Variants in ZKSCAN4 observed in about 807,000 individuals in gnomAD.
The protein encoded by ZKSCAN4 is zinc finger with KRAB and SCAN domains 4, also known as zinc finger protein with KRAB and SCAN domains 4.
In ZKSCAN4, 23 loss-of-function variants were observed where a neutral mutation model predicts 30.8. The ratio of observed to expected loss-of-function variants is 0.75; its 90% CI spans 0.54 to 1.06. The LOEUF (loss-of-function observed/expected upper bound fraction) is 1.06, where lower values mean the gene tolerates loss of function less well. ZKSCAN4 is among the 50% of genes least tolerant of loss of function. ZKSCAN4 has a pLI of 0.00. For missense variants in ZKSCAN4, 556 were observed against 665.4 expected, an observed-to-expected ratio of 0.84 and a Z score of 1.81; for synonymous variants, 208 against 252.5, an observed-to-expected ratio of 0.82 and a Z score of 1.67.
rs910996826 is a variant in ZKSCAN4 at position 28,242,092 on chromosome 6, C to T, written c.*3024G>A. On this transcript the variant is annotated 3_prime_UTR_variant, in exon 5 of 5. Transcript: ENST00000377294. ...GAAAAAAGAAAATAGAAGATTTCTG[C>T]GCTGCTTCAGTTACAGAAATGAAAT... Among the ~76,000 whole-genome samples the T allele has an allele frequency of 6.6e-5, 10 of 152,238 alleles. No homozygotes were observed. Among genetic ancestry groups the T allele is most frequent in the African/African-American group, 2.4e-4 (10 of 41,546 alleles).
At position 28,247,072 on chromosome 6, in the gene ZKSCAN4, A is replaced by G. The variant is rs1008199574; in HGVS notation, c.675T>C (p.Asp225=). The change falls in exon 4 of 5, where the codon GAT becomes GAC. Residue 225 remains aspartate (D), a synonymous_variant. Coordinates refer to ENST00000377294, the MANE Select transcript of ZKSCAN4 (RefSeq NM_019110.5). ...ACCCAGGAGTGAGGGTCAGGGCCAC[A>G]TCTTCCATTTTCAGCAAACCCTAAA... ...PGSQGLLKME[D]VALTLTPGWT... 1 of 1,610,244 alleles carries G rather than the reference A, an allele frequency of 6.2e-7. No homozygotes were observed. Among genetic ancestry groups the G allele is most frequent in the Non-Finnish European group, 8.5e-7 (1 of 1,178,388 alleles).
intron 4 of ZKSCAN4, 84 bp downstream of exon 4, chr6:28,246,885 C>CTG (rs1760759361): frequency 7.0e-7 from 1 of 1,435,052 alleles, no homozygotes; most frequent in Non-Finnish European, 9.3e-7. Context: ...ATAATGGGGG[C>CTG]TTAACAGCTT....
chr6:28,245,943 G>A lies in ZKSCAN4; in HGVS notation c.811C>T (p.Pro271Ser), dbSNP rs757564099. 1 of 1,614,176 alleles carries A rather than the reference G, an allele frequency of 6.2e-7. No individual in the cohort carries two copies. The highest frequency in any genetic ancestry group is 8.5e-7 in the Non-Finnish European group (1 of 1,180,032). The change falls in exon 5 of 5, where the codon CCT becomes TCT. Residue 271 changes from proline (P) to serine (S), a missense_variant. Physicochemically the swap from Pro to Ser is moderately conservative, Grantham distance 74. Around this residue, in one of 3 missense-constraint regions of ZKSCAN4, gnomAD observed 433 missense variants for 511.5 expected, o/e 0.85. Transcript: ENST00000377294. ...GEIQTKSRDL[P>S]PVKKLPEKEH... Reference sequence around the variant, plus strand: ...TTTTCTGGAAGCTTCTTGACTGGAGGCAAGTCCCTGCTCTTAGTCTGTATT... The same window carrying A: ...TTTTCTGGAAGCTTCTTGACTGGAGACAAGTCCCTGCTCTTAGTCTGTATT...
At position 28,244,682 on chromosome 6, in the gene ZKSCAN4, T is replaced by C; in HGVS notation, c.*434A>G. On this transcript the variant is annotated 3_prime_UTR_variant, in exon 5 of 5. Transcript: ENST00000377294. ...TTTAATAAATGTTTATTAGCACCTA[T>C]CATACAAGGCACAAAGAAGAGTAAA... The C allele has an allele frequency of 4.9e-6, 1 of 205,740 alleles. No individual in the cohort carries two copies. Among genetic ancestry groups the C allele is most frequent in the Non-Finnish European group, 1.0e-5 (1 of 98,804 alleles). The allele number at this position is 205,740 out of a possible 1,614,324, so 12.7% of individuals were successfully genotyped here.
upstream of ZKSCAN4, among the ~76,000 whole-genome samples, chr6:28,255,791 GCTTA>G (rs1404364110): frequency 6.6e-6 from 1 of 151,888 alleles, no homozygotes; most frequent in African/African-American, 2.4e-5. Flanking sequence ...TCCTGGTTGG[GCTTA>G]CTTTTTTGGG....
At chr6:28,252,543 T>C (rs1011423522), upstream of ZKSCAN4, among the ~76,000 whole-genome samples, 1 of 151,912 alleles carries the variant, frequency 6.6e-6, no homozygotes, top group Non-Finnish European at 1.5e-5. Flanking sequence ...GACACTAAAA[T>C]TGAGCTGGAA....
rs1198101924 is a variant in ZKSCAN4 at position 28,246,390 on chromosome 6, AC to A, written c.779-416del. ...AATGGCAAAAGCAAAGAAACTGGTG[AC>A]TGGTGATCGATCAATGACATGGACC... is the stretch of plus-strand genomic sequence containing the variant. On this transcript the variant is annotated intron_variant, in intron 4 of 4. Coordinates refer to ENST00000377294, the MANE Select transcript of ZKSCAN4 (RefSeq NM_019110.5). Among the ~76,000 whole-genome samples the A allele has an allele frequency of 6.1e-5, 3 of 48,786 alleles. No individual in the cohort carries two copies. The African/African-American group carries it at 2.5e-3, about 41-fold the overall frequency. 32.0% of individuals were successfully genotyped at this position (48,786 alleles called of 152,430 possible). A position where few individuals can be genotyped will look rare whatever the true frequency, so the allele number is the denominator to read the frequency against.
At chr6:28,246,869 C>T (rs575417220) in intron 4 of ZKSCAN4, 100 bp downstream of exon 4, 29 of 1,379,412 alleles carry the variant, frequency 2.1e-5, no homozygotes, top group Non-Finnish European at 2.7e-5. Context: ...GATTCTGAAT[C>T]CAAACATAAT....
At position 28,245,139 on chromosome 6, in the gene ZKSCAN4, C is replaced by T; in HGVS notation, c.1615G>A (p.Gly539Arg). The change falls in exon 5 of 5, where the codon GGG (glycine) becomes AGG (arginine). Residue 539 changes from glycine to arginine, a missense_variant. By Grantham distance (125) the Gly-to-Arg change is moderately radical. Coordinates refer to ENST00000377294, the MANE Select transcript of ZKSCAN4 (RefSeq NM_019110.5). ...GGTCACTGTGAAAGAGTTTTTTTCC[C>T]TACATGGCTTCTCTGATGTTGAACA... Reference protein sequence around the residue: ...YLVQHQRSHVGKKTLSQ With the variant: ...YLVQHQRSHVRKKTLSQ The T allele has an allele frequency of 6.2e-7, 1 of 1,613,810 alleles. No individual in the cohort carries two copies. The highest frequency in any genetic ancestry group is 1.3e-5 in the African/African-American group (1 of 74,998).
chr6:28,245,225 G>T lies in ZKSCAN4; in HGVS notation c.1529C>A (p.Thr510Asn). The change falls in exon 5 of 5, where the codon ACT (threonine) becomes AAT (asparagine). Residue 510 changes from threonine (T) to asparagine (N), a missense_variant. Coordinates refer to ENST00000377294, the MANE Select transcript of ZKSCAN4 (RefSeq NM_019110.5). ...RSLIEHQKIHTGEKPYQCDTC... is the reference protein window; with the variant it reads ...RSLIEHQKIHNGEKPYQCDTC... Reference sequence around the variant, plus strand: ...GTCACACTGATAGGGTTTCTCACCAGTGTGGATTTTCTGATGTTCAATAAG... The same window carrying T: ...GTCACACTGATAGGGTTTCTCACCATTGTGGATTTTCTGATGTTCAATAAG... 6.2e-7 allele frequency: 1 copy of T among 1,614,214 alleles called. No individual in the cohort carries two copies. Among genetic ancestry groups the T allele is most frequent in the Non-Finnish European group, 8.5e-7 (1 of 1,180,038 alleles).
In ZKSCAN4 at chr6:28,245,958, T is replaced by TA; in HGVS notation, c.795dup (p.Lys266Ter). 6.2e-7 allele frequency: 1 copy of TA among 1,614,206 alleles called. No homozygotes were observed. Among genetic ancestry groups the TA allele is most frequent in the Non-Finnish European group, 8.5e-7 (1 of 1,180,032 alleles). ...TTGACTGGAGGCAAGTCCCTGCTCTTAGTCTGTATTTCACCACCTGAAACA... is the reference window on the plus strand; with the variant it reads ...TTGACTGGAGGCAAGTCCCTGCTCTTAAGTCTGTATTTCACCACCTGAAACA... On this transcript the variant is annotated frameshift_variant, in exon 5 of 5. Coordinates refer to ENST00000377294, the MANE Select transcript of ZKSCAN4 (RefSeq NM_019110.5). LOFTEE classifies it low-confidence loss of function (END_TRUNC).
At position 28,245,162 on chromosome 6, in the gene ZKSCAN4, A is replaced by T. The variant is rs1260977801; in HGVS notation, c.1592T>A (p.Val531Asp). The T allele has an allele frequency of 1.2e-6, 2 of 1,614,086 alleles. No individual in the cohort carries two copies. Among genetic ancestry groups the T allele is most frequent in the Non-Finnish European group, 8.5e-7 (1 of 1,179,998 alleles). ...CCCTACATGGCTTCTCTGATGTTGAACAAGGTATGAAGTTCGAGTGAAACC... is the reference window on the plus strand; with the variant it reads ...CCCTACATGGCTTCTCTGATGTTGATCAAGGTATGAAGTTCGAGTGAAACC... ...GKGFTRTSYL[V>D]QHQRSHVGKK... is the part of the protein sequence containing the mutation. The change falls in exon 5 of 5, where the codon GTT (valine) becomes GAT (aspartate). Residue 531 changes from valine to aspartate, a missense_variant. Val to Asp is a radical substitution (Grantham distance 152). Transcript: ENST00000377294.
chr6:28,253,680 A>C (rs1331228781), upstream of ZKSCAN4, among the ~76,000 whole-genome samples: 1 of 152,196 alleles, frequency 6.6e-6, no homozygotes, highest in African/African-American at 2.4e-5. This position sits in a 1 kb window ranked among gnomAD's most constrained non-coding sequence, Gnocchi z 4.2. Flanking sequence ...ACAGGATGGG[A>C]CTCAGGCATT....
At chr6:28,250,314 C>A (rs1229632559) in intron 1 of ZKSCAN4, among the ~76,000 whole-genome samples, 1 of 152,144 alleles carries the variant, frequency 6.6e-6, no homozygotes, top group African/African-American at 2.4e-5. Context: ...GGTGATCCGC[C>A]CACCTCAGCC....
upstream of ZKSCAN4, among the ~76,000 whole-genome samples, chr6:28,253,852 T>C (rs541498895): frequency 6.6e-6 from 1 of 152,120 alleles, no homozygotes; most frequent in South Asian, 2.1e-4. The surrounding 1 kb of genome is among the most constrained non-coding windows in gnomAD (Gnocchi z 4.2). Flanking sequence ...ATTACAGACA[T>C]GCGTCACCAT....
At chr6:28,257,732 C>T in the ZKSCAN4 span, among the ~76,000 whole-genome samples, 1 of 152,146 alleles carries the variant, frequency 6.6e-6, no homozygotes, top group Non-Finnish European at 1.5e-5. Context: ...AAAGGATTGC[C>T]AGCCCCTAGT....
At chr6:28,252,452 G>A (rs1204179363), upstream of ZKSCAN4, among the ~76,000 whole-genome samples, 1 of 152,048 alleles carries the variant, frequency 6.6e-6, no homozygotes, top group Non-Finnish European at 1.5e-5. Flanking sequence ...ATAGGACTGA[G>A]CCTTTAAATC....
chr6:28,253,150 G>C (rs79405774), upstream of ZKSCAN4, among the ~76,000 whole-genome samples: 3,308 of 152,274 alleles, frequency 0.022, 60 homozygotes, highest in African/African-American at 0.058. The surrounding 1 kb of genome is among the most constrained non-coding windows in gnomAD (Gnocchi z 4.2). Flanking sequence ...TGATAAACTA[G>C]GCCTATCCTA....
At chr6:28,250,677 C>T (rs995155778) in intron 1 of ZKSCAN4, among the ~76,000 whole-genome samples, 33 of 152,224 alleles carry the variant, frequency 2.2e-4, no homozygotes, top group African/African-American at 7.7e-4. Flanking sequence ...GTTATGTCCT[C>T]ATTAAAAGCA....
Sources: allele counts gnomAD v4.1 joint callset (sites outside exome capture counted in the v4.1 genomes callset), GRCh38; gene constraint gnomAD v4.1.1; regional missense constraint gnomAD v4.1.1; non-coding constraint Gnocchi (gnomAD v3.1); transcripts MANE v1.5; gene names NCBI Gene and HGNC (gene_info 2026-07-23, HGNC 2026-07-21).